FHL5: variants seen among roughly 807,000 people sequenced by gnomAD.
FHL5 encodes four and a half LIM domains 5.
FHL5 carries 33 observed loss-of-function variants against 32.0 expected under a neutral mutation model. The ratio of observed to expected loss-of-function variants is 1.03; its 90% CI spans 0.78 to 1.38. The LOEUF (loss-of-function observed/expected upper bound fraction) is 1.38, where lower values mean the gene tolerates loss of function less well. Ranked by LOEUF, FHL5 falls within the 40% of genes most tolerant of loss-of-function variation. FHL5 has a pLI of 0.00. For missense variants in FHL5, 336 were observed against 343.9 expected (o/e 0.98, Z 0.18); for synonymous variants, 114 against 113.6 (o/e 1.00, Z -0.02).
At chr6:96,575,849 T>C (rs1770573548) in intron 1 of FHL5, among the ~76,000 whole-genome samples, 1 of 152,220 alleles carries the variant, frequency 6.6e-6, no homozygotes, top group East Asian at 1.9e-4. Context: ...GATCTACCTT[T>C]TCAGTATGGT....
rs573787170 is a variant in FHL5, at chr6:96,605,852, A to T, written c.335-50A>T. ...AATTTGATCTGTATTTGCTTAAAAA[A>T]TAAAATTATGCTTGACTTATACTAA... On this transcript the variant is annotated intron_variant, in intron 3 of 5. Coordinates refer to ENST00000450218, the MANE Select transcript of FHL5 (RefSeq NM_001322466.2). 5 of 1,515,826 alleles carry T rather than the reference A, an allele frequency of 3.3e-6. 1 individual carries two copies. The African/African-American group carries it at 7.0e-5, about 21-fold the overall frequency. The allele number at this position is 1,515,826 out of a possible 1,614,324, so 93.9% of individuals were successfully genotyped here. A position where few individuals can be genotyped will look rare whatever the true frequency, so the allele number is the denominator to read the frequency against.
intron 1 of FHL5, among the ~76,000 whole-genome samples, chr6:96,602,357 T>C (rs191745426): frequency 6.6e-6 from 1 of 151,702 alleles, no homozygotes; most frequent in Admixed American, 6.6e-5. Context: ...AGTGCTAATT[T>C]TTTTTTGTAA....
intron 1 of FHL5, among the ~76,000 whole-genome samples, chr6:96,575,945 G>T (rs1193137876): frequency 6.6e-6 from 1 of 152,158 alleles, no homozygotes; most frequent in Non-Finnish European, 1.5e-5. Flanking sequence ...CATGTAAAAA[G>T]AACTAGTTTT....
At chr6:96,566,157 C>A (rs1191795026) in intron 1 of FHL5, among the ~76,000 whole-genome samples, 1 of 151,962 alleles carries the variant, frequency 6.6e-6, no homozygotes, top group African/African-American at 2.4e-5. Flanking sequence ...CTTTCTTCCC[C>A]CTACCCTTTT....
intron 1 of FHL5, among the ~76,000 whole-genome samples, chr6:96,593,798 G>A (rs145551559): frequency 1.3e-5 from 2 of 152,116 alleles, no homozygotes; most frequent in East Asian, 1.9e-4. Flanking sequence ...ATTCTTCACT[G>A]TAATATTAAT....
intron 1 of FHL5, among the ~76,000 whole-genome samples, chr6:96,579,711 T>C (rs1470108728): frequency 6.6e-6 from 1 of 152,178 alleles, no homozygotes; most frequent in Admixed American, 6.5e-5. Context: ...AATTGTCAAC[T>C]GGTAGTTAAG....
At chr6:96,597,678 A>T (rs985772578) in intron 1 of FHL5, among the ~76,000 whole-genome samples, 1 of 152,194 alleles carries the variant, frequency 6.6e-6, no homozygotes, top group South Asian at 2.1e-4. Context: ...TCTGCAAGCC[A>T]TTTAGAATAC....
At chr6:96,563,871 T>C (rs987702632) in intron 1 of FHL5, among the ~76,000 whole-genome samples, 3 of 152,164 alleles carry the variant, frequency 2.0e-5, no homozygotes, top group Non-Finnish European at 2.9e-5. Flanking sequence ...TTTCCAGAAG[T>C]GGGCATACAA....
chr6:96,603,542 T>C (rs896623534), intron 1 of FHL5, 60 bp from the exon 2 acceptor site: 4 of 1,229,332 alleles, frequency 3.3e-6, no homozygotes, highest in African/African-American at 1.5e-5. Flanking sequence ...TAAGGTTTCA[T>C]CATTTATCCT....
chr6:96,566,213 A>T (rs1162022006), intron 1 of FHL5, among the ~76,000 whole-genome samples: 4 of 151,812 alleles, frequency 2.6e-5, no homozygotes, highest in African/African-American at 9.7e-5. Flanking sequence ...TATGAGATTG[A>T]CTTTTTTAGC....
intron 3 of FHL5, 62 bp downstream of exon 3, chr6:96,604,986 G>A: frequency 7.4e-7 from 1 of 1,353,004 alleles, no homozygotes; most frequent in Non-Finnish European, 1.0e-6. Flanking sequence ...TTAAGTCCCA[G>A]CACATGAGGA....
At chr6:96,591,544 C>T (rs1770917612) in intron 1 of FHL5, among the ~76,000 whole-genome samples, 1 of 152,100 alleles carries the variant, frequency 6.6e-6, no homozygotes, top group African/African-American at 2.4e-5. Flanking sequence ...CTTTTACCTT[C>T]ATTGTCAAAA....
At chr6:96,608,007 TTAAAAAC>T in intron 4 of FHL5, among the ~76,000 whole-genome samples, 1 of 151,870 alleles carries the variant, frequency 6.6e-6, no homozygotes, top group South Asian at 2.1e-4. Flanking sequence ...TATACAAAAC[TTAAAAAC>T]TAAAGAAAAT....
chr6:96,614,529 G>A (rs922408659), intron 5 of FHL5, among the ~76,000 whole-genome samples: 4 of 152,116 alleles, frequency 2.6e-5, no homozygotes, highest in Admixed American at 2.6e-4. Flanking sequence ...TAAGAAGAAT[G>A]TATCTGAAAT....
At chr6:96,594,249 ATATATATATATATATATATATATATG>A (rs1303675778) in intron 1 of FHL5, among the ~76,000 whole-genome samples, 3 of 131,148 alleles carry the variant, frequency 2.3e-5, no homozygotes, top group Non-Finnish European at 4.8e-5. Context: ...ATATATATAT[ATATATATATATATATATATATATATG>A]TATGTATGTA....
intron 1 of FHL5, among the ~76,000 whole-genome samples, chr6:96,584,915 G>C (rs1770768584): frequency 6.6e-6 from 1 of 152,136 alleles, no homozygotes; most frequent in East Asian, 1.9e-4. Flanking sequence ...GGGAGGAAAA[G>C]AGAATGAAAC....
intron 2 of FHL5, among the ~76,000 whole-genome samples, chr6:96,604,330 T>C (rs1169582232): frequency 6.6e-6 from 1 of 151,732 alleles, no homozygotes; most frequent in African/African-American, 2.4e-5. Flanking sequence ...TCTCTCTCTC[T>C]CTGTCTCTTT....
chr6:96,588,410 A>G (rs753875233), intron 1 of FHL5, among the ~76,000 whole-genome samples: 7 of 152,242 alleles, frequency 4.6e-5, no homozygotes, highest in Non-Finnish European at 8.8e-5. Flanking sequence ...GGGTTTCACC[A>G]TGTTGGTCAG....
At chr6:96,603,804 C>T (rs367734485) in intron 2 of FHL5, 32 bp downstream of exon 2, 2 of 1,569,666 alleles carry the variant, frequency 1.3e-6, no homozygotes, top group East Asian at 2.3e-5. Context: ...AGAATTACTG[C>T]CTATGAACAG....
Sources: allele counts gnomAD v4.1 joint callset (sites outside exome capture counted in the v4.1 genomes callset), GRCh38; gene constraint gnomAD v4.1.1; transcripts MANE v1.5; gene names NCBI Gene and HGNC (gene_info 2026-07-23, HGNC 2026-07-21).